Variants in NKAIN3 observed in about 807,000 individuals in gnomAD.
NKAIN3 encodes sodium/potassium-transporting ATPase subunit beta-1-interacting protein 3.
Under a neutral mutation model 30.2 loss-of-function variants are expected in NKAIN3, and 25 were observed. The observed-to-expected ratio is 0.83, with a 90% CI of 0.60 to 1.16. NKAIN3 has a LOEUF of 1.16. Among genes scored for constraint, NKAIN3 ranks in the 50% most tolerant of loss-of-function variants. The pLI is 0.00. For synonymous variants in NKAIN3, 91 were observed against 89.6 expected, an observed-to-expected ratio of 1.02 and a Z score of -0.09; for missense variants, 225 against 254.1, an observed-to-expected ratio of 0.89 and a Z score of 0.78.
intron 4 of NKAIN3, among the ~76,000 whole-genome samples, chr8:62,760,179 G>A: frequency 6.6e-6 from 1 of 152,158 alleles, no homozygotes; most frequent in East Asian, 1.9e-4. Context: ...CTGTTGGTGA[G>A]ACTGTAAACT....
rs372271306 is a variant in NKAIN3 at position 62,866,750 on chromosome 8, A to G, written c.472-51703A>G. Among the ~76,000 whole-genome samples, 387 of 152,256 alleles carry G rather than the reference A, an allele frequency of 2.5e-3. 2 individuals are homozygous for G. The highest frequency in any genetic ancestry group is 9.0e-3 in the African/African-American group (372 of 41,546). The stretch of plus-strand genomic sequence containing the variant: ...TGTTTGAGGTGTTTGCGGTTGTCTT[A>G]AAAATTAAAGTATTGGCCAGGCGCA... On this transcript the variant is annotated intron_variant, in intron 4 of 6. Coordinates refer to ENST00000623646, the MANE Select transcript of NKAIN3 (RefSeq NM_001304533.3).
At chr8:62,360,381 A>T (rs908591744) in intron 1 of NKAIN3, among the ~76,000 whole-genome samples, 1 of 152,232 alleles carries the variant, frequency 6.6e-6, no homozygotes, top group Admixed American at 6.5e-5. Context: ...TTTTGAAGGC[A>T]TAAGAAAGCC....
intron 2 of NKAIN3, among the ~76,000 whole-genome samples, chr8:62,586,848 A>G (rs904475672): frequency 1.3e-5 from 2 of 152,016 alleles, no homozygotes; most frequent in Non-Finnish European, 2.9e-5. Flanking sequence ...GATTTAAAAT[A>G]TATATACTAA....
intron 1 of NKAIN3, among the ~76,000 whole-genome samples, chr8:62,432,360 A>G (rs1373560402): frequency 6.6e-6 from 1 of 152,094 alleles, no homozygotes; most frequent in Non-Finnish European, 1.5e-5. Context: ...ATGAGGATGC[A>G]TCTCTTTCAG....
chr8:62,858,869 G>T (rs1820146627), intron 4 of NKAIN3, among the ~76,000 whole-genome samples: 1 of 152,240 alleles, frequency 6.6e-6, no homozygotes, highest in African/African-American at 2.4e-5. Flanking sequence ...GGACCCACAG[G>T]CCAATGCTGC....
chr8:62,893,971 C>A (rs1427128538), intron 4 of NKAIN3, among the ~76,000 whole-genome samples: 1 of 152,058 alleles, frequency 6.6e-6, no homozygotes, highest in African/African-American at 2.4e-5. Context: ...GTGTGTCTCC[C>A]AGGATACCGG....
intron 1 of NKAIN3, among the ~76,000 whole-genome samples, chr8:62,272,945 G>A (rs1460573661): frequency 2.0e-5 from 3 of 152,174 alleles, no homozygotes; most frequent in Non-Finnish European, 4.4e-5. Flanking sequence ...GGATTAGCAA[G>A]CTTTCTTGGT....
intron 1 of NKAIN3, among the ~76,000 whole-genome samples, chr8:62,439,621 T>A (rs1367120948): frequency 2.0e-5 from 3 of 152,214 alleles, no homozygotes; most frequent in Non-Finnish European, 4.4e-5. Context: ...CAACACTCCA[T>A]CCAATCTAAT....
At chr8:62,505,510 T>A (rs922568335) in intron 1 of NKAIN3, among the ~76,000 whole-genome samples, 5 of 152,164 alleles carry the variant, frequency 3.3e-5, no homozygotes, top group African/African-American at 1.2e-4. Context: ...ATAATAAATA[T>A]AGAAGCATGG....
At chr8:62,944,537 T>A (rs1391253275) in intron 5 of NKAIN3, among the ~76,000 whole-genome samples, 2 of 152,224 alleles carry the variant, frequency 1.3e-5, no homozygotes, top group Non-Finnish European at 2.9e-5. Flanking sequence ...ATGCTTTATA[T>A]TCTTCCATTC....
chr8:62,438,547 G>A (rs988999017), intron 1 of NKAIN3, among the ~76,000 whole-genome samples: 4 of 152,114 alleles, frequency 2.6e-5, no homozygotes, highest in Admixed American at 6.6e-5. Flanking sequence ...CAGTAGGGCC[G>A]GTGTCATGAA....
Position 62,510,429 on chromosome 8 carries a change from G to A in NKAIN3, c.55-69110G>A, listed in dbSNP as rs138299402. On this transcript the variant is annotated intron_variant, in intron 1 of 6. Transcript: ENST00000623646. ...CTCTTCTTCCACTCCATCATTCTTA[G>A]CACATCGGCTCTTGATGTCAGCTTA... Among the ~76,000 whole-genome samples the A allele has an allele frequency of 5.4e-3, 822 of 152,230 alleles. 8 individuals are homozygous for A. Among genetic ancestry groups the A allele is most frequent in the African/African-American group, 0.018 (737 of 41,536 alleles).
Position 62,982,072 on chromosome 8 carries a change from A to C in NKAIN3, c.*16665A>C, listed in dbSNP as rs937113459. 2.6e-5 allele frequency: 4 copies of C among 152,200 alleles called. No individual in the cohort carries two copies. The highest frequency in any genetic ancestry group is 4.4e-5 in the Non-Finnish European group (3 of 68,038). 9.4% of individuals were successfully genotyped at this position (152,200 alleles called of 1,614,324 possible). A position where few individuals can be genotyped will look rare whatever the true frequency, so the allele number is the denominator to read the frequency against. On this transcript the variant is annotated 3_prime_UTR_variant, in exon 7 of 7. Transcript: ENST00000623646. ...AAAAGAACAGAGATAGAAAACTCAT[A>C]TAAAAATCTAAACTACAGTTTTATG...
At chr8:62,682,040 T>A (rs987589293) in intron 3 of NKAIN3, among the ~76,000 whole-genome samples, 2 of 152,084 alleles carry the variant, frequency 1.3e-5, no homozygotes, top group African/African-American at 4.8e-5. Context: ...AGACACATCA[T>A]GAACTTTTGC....
At chr8:62,587,716 G>A (rs1810522993) in intron 2 of NKAIN3, among the ~76,000 whole-genome samples, 2 of 151,932 alleles carry the variant, frequency 1.3e-5, no homozygotes. Flanking sequence ...CATGATATAT[G>A]TAAAGCACTT....
At chr8:62,359,466 A>G (rs944579121) in intron 1 of NKAIN3, among the ~76,000 whole-genome samples, 6 of 152,172 alleles carry the variant, frequency 3.9e-5, no homozygotes, top group African/African-American at 1.4e-4. Context: ...GAGGATCAGT[A>G]CTTGGGAGGG....
chr8:62,294,992 T>G (rs1813781273), intron 1 of NKAIN3, among the ~76,000 whole-genome samples: 1 of 152,232 alleles, frequency 6.6e-6, no homozygotes, highest in South Asian at 2.1e-4. Context: ...TGTGTCATGT[T>G]GTTGGGGTAA....
At chr8:62,744,780 A>G (rs893300002) in intron 3 of NKAIN3, among the ~76,000 whole-genome samples, 2 of 152,190 alleles carry the variant, frequency 1.3e-5, no homozygotes, top group Non-Finnish European at 2.9e-5. Context: ...TCAGAGAGTA[A>G]CTGCAAATGA....
chr8:62,249,161 G>A, intron 1 of NKAIN3, 34 bp downstream of exon 1: 3 of 1,510,252 alleles, frequency 2.0e-6, no homozygotes, highest in Admixed American at 2.1e-5. Flanking sequence ...CCCAGGACAG[G>A]TCCCTGCTCC....
Sources: allele counts gnomAD v4.1 joint callset (sites outside exome capture counted in the v4.1 genomes callset), GRCh38; gene constraint gnomAD v4.1.1; transcripts MANE v1.5; gene names NCBI Gene and HGNC (gene_info 2026-07-23, HGNC 2026-07-21).